The following DCC variants were observed in gnomAD, a reference collection of about 807,000 sequenced individuals.
DCC encodes netrin receptor DCC.
DCC carries 58 observed loss-of-function variants against 172.5 expected under a neutral mutation model. The ratio of observed to expected loss-of-function variants is 0.34; its 90% CI spans 0.27 to 0.42. DCC has a LOEUF of 0.42. Among genes scored for constraint, DCC ranks in the 10% least tolerant of loss-of-function variants. The pLI is 1.00. For synonymous variants in DCC, 709 were observed against 644.5 expected, an observed-to-expected ratio of 1.10 and a Z score of -1.52; for missense variants, 1,740 against 1,791.0, an observed-to-expected ratio of 0.97 and a Z score of 0.51.
Position 52,985,102 on chromosome 18 carries a change from G to T in DCC, c.985+59732G>T, listed in dbSNP as rs145640059. On this transcript the variant is annotated intron_variant, in intron 5 of 28. Transcript: ENST00000442544. ...CTGGTTCTAATTCGTGTTGTTGATT[G>T]TTCGGCTCTACCACGTAACTGTCAT... Among the ~76,000 whole-genome samples the T allele has an allele frequency of 6.1e-4, 93 of 151,888 alleles. 2 individuals are homozygous for T. In the East Asian group the frequency reaches 0.017, roughly 27 times the overall value.
chr18:53,110,539 C>T (rs11082968), intron 7 of DCC, among the ~76,000 whole-genome samples: 23,645 of 151,682 alleles, frequency 0.16, 2,310 homozygotes, highest in African/African-American at 0.27. Context: ...AGACCACCAA[C>T]TTAAATTTAC....
intron 7 of DCC, among the ~76,000 whole-genome samples, chr18:53,109,998 G>A (rs1341001164): frequency 6.6e-6 from 1 of 151,442 alleles, no homozygotes; most frequent in Admixed American, 6.6e-5. Flanking sequence ...TATTGAAAAT[G>A]ATGACGTATT....
intron 24 of DCC, among the ~76,000 whole-genome samples, chr18:53,466,390 CAA>C (rs1371007103): frequency 6.6e-6 from 1 of 152,186 alleles, no homozygotes; most frequent in Non-Finnish European, 1.5e-5. Flanking sequence ...TGGCTTTTCA[CAA>C]AGACTTTGTG....
intron 12 of DCC, among the ~76,000 whole-genome samples, chr18:53,250,020 G>A (rs570541456): frequency 1.1e-4 from 17 of 151,980 alleles, no homozygotes; most frequent in South Asian, 1.0e-3. Flanking sequence ...AAGGCTCTTC[G>A]TGAAGATCTG....
intron 26 of DCC, among the ~76,000 whole-genome samples, chr18:53,490,040 T>G (rs993715001): frequency 1.3e-5 from 2 of 152,208 alleles, no homozygotes; most frequent in African/African-American, 4.8e-5. Flanking sequence ...GCAGTTTAAG[T>G]GATTTCCACT....
intron 1 of DCC, among the ~76,000 whole-genome samples, chr18:52,418,446 C>T (rs1057064186): frequency 1.3e-5 from 2 of 152,134 alleles, no homozygotes; most frequent in African/African-American, 4.8e-5. Context: ...GCTTTTCCCT[C>T]AGAAGTTACG....
intron 1 of DCC, among the ~76,000 whole-genome samples, chr18:52,393,865 A>G (rs1986119037): frequency 6.6e-6 from 1 of 152,112 alleles, no homozygotes; most frequent in Non-Finnish European, 1.5e-5. Flanking sequence ...AAAAATTACT[A>G]GACTAGATTA....
chr18:52,792,922 T>A (rs1229015055), intron 2 of DCC, among the ~76,000 whole-genome samples: 2 of 152,112 alleles, frequency 1.3e-5, no homozygotes, highest in Non-Finnish European at 2.9e-5. Flanking sequence ...ACCACTCACA[T>A]GATTCTACCT....
chr18:53,268,854 G>A (rs1225034432), intron 12 of DCC, among the ~76,000 whole-genome samples: 2 of 152,208 alleles, frequency 1.3e-5, no homozygotes, highest in African/African-American at 4.8e-5. Context: ...GTGAGGAACT[G>A]TAGGGAATGA....
intron 12 of DCC, among the ~76,000 whole-genome samples, chr18:53,277,681 T>G (rs974796412): frequency 6.6e-6 from 1 of 152,114 alleles, no homozygotes; most frequent in African/African-American, 2.4e-5. Context: ...GCCCAAGTGA[T>G]CCTTTGATCA....
intron 1 of DCC, among the ~76,000 whole-genome samples, chr18:52,719,167 C>T (rs984671704): frequency 5.1e-4 from 78 of 151,854 alleles, no homozygotes; most frequent in African/African-American, 1.7e-3. Flanking sequence ...GTACACTAGT[C>T]ATTGGATTTA....
At chr18:53,212,380 C>A (rs564714743) in intron 11 of DCC, among the ~76,000 whole-genome samples, 1 of 152,064 alleles carries the variant, frequency 6.6e-6, no homozygotes, top group African/African-American at 2.4e-5. Flanking sequence ...AAAGAACAAT[C>A]GATATGGATT....
At chr18:52,537,727 A>G (rs1263999789) in intron 1 of DCC, among the ~76,000 whole-genome samples, 1 of 152,218 alleles carries the variant, frequency 6.6e-6, no homozygotes, top group Non-Finnish European at 1.5e-5. Context: ...AAAATGGCAT[A>G]TGGCTCTTCA....
intron 1 of DCC, among the ~76,000 whole-genome samples, chr18:52,749,573 T>C (rs1173318483): frequency 6.6e-6 from 1 of 152,230 alleles, no homozygotes; most frequent in Non-Finnish European, 1.5e-5. Context: ...AATATAATTG[T>C]TATAAAGAGT....
rs376524519 is a variant in DCC at position 52,991,551 on chromosome 18, T to C, written c.985+66181T>C. ...TAGGCTGAACTTCTGCCCTTTCCTC[T>C]GTGAATCCCTCTTCAGTTTCTCTCT... On this transcript the variant is annotated intron_variant, in intron 5 of 28. Coordinates refer to ENST00000442544, the MANE Select transcript of DCC (RefSeq NM_005215.4). Among the ~76,000 whole-genome samples, 16 of 152,310 alleles carry C rather than the reference T, an allele frequency of 1.1e-4. No homozygotes were observed. The East Asian group carries it at 2.5e-3, about 24-fold the overall frequency.
At chr18:53,394,030 T>G (rs944909107) in intron 17 of DCC, among the ~76,000 whole-genome samples, 1 of 152,142 alleles carries the variant, frequency 6.6e-6, no homozygotes. Flanking sequence ...ATAGACTCTT[T>G]GAGTTTTCAC....
intron 1 of DCC, among the ~76,000 whole-genome samples, chr18:52,422,857 G>A (rs1308013949): frequency 6.6e-6 from 1 of 152,134 alleles, no homozygotes. Flanking sequence ...AGGAAGGTTG[G>A]TCAACAGCCA....
intron 1 of DCC, among the ~76,000 whole-genome samples, chr18:52,350,088 A>G (rs1036012817): frequency 2.0e-5 from 3 of 152,228 alleles, no homozygotes; most frequent in Admixed American, 6.5e-5. Context: ...TATAAGGACC[A>G]AATAAGACCA....
At chr18:52,499,304 T>G (rs1309122900) in intron 1 of DCC, among the ~76,000 whole-genome samples, 1 of 152,150 alleles carries the variant, frequency 6.6e-6, no homozygotes, top group Admixed American at 6.5e-5. Flanking sequence ...AGGATCCTTA[T>G]GCATCCTTTT....
Sources: gnomAD v4.1 joint callset for allele counts (sites outside exome capture counted in the v4.1 genomes callset) on GRCh38, gnomAD v4.1.1 for gene constraint, MANE v1.5 for transcripts, NCBI Gene and HGNC (gene_info 2026-07-23, HGNC 2026-07-21) for gene names.